The following MAPK10 variants were observed in gnomAD, a reference collection of about 807,000 sequenced individuals.
MAPK10 encodes mitogen-activated protein kinase 10.
MAPK10 carries 25 observed loss-of-function variants against 59.3 expected under a neutral mutation model. That is an observed-to-expected ratio of 0.42 (90% CI 0.31 to 0.59). The LOEUF (loss-of-function observed/expected upper bound fraction) is 0.59, where lower values mean the gene tolerates loss of function less well. Ranked by LOEUF, MAPK10 falls within the 20% of genes least tolerant of loss-of-function variation. The pLI, the probability that MAPK10 is intolerant of heterozygous loss-of-function variation, is 0.15. For synonymous variants in MAPK10, 190 were observed against 200.5 expected, an observed-to-expected ratio of 0.95 and a Z score of 0.44; for missense variants, 351 against 568.9, an observed-to-expected ratio of 0.62 and a Z score of 3.90.
chr4:86,247,177 G>A (rs1043212403), intron 2 of MAPK10, among the ~76,000 whole-genome samples: 3 of 152,174 alleles, frequency 2.0e-5, no homozygotes, highest in Non-Finnish European at 4.4e-5. Flanking sequence ...AGCCTCTATT[G>A]TACTATACCC....
chr4:86,194,864 AATAG>A (rs2080914506), intron 2 of MAPK10, among the ~76,000 whole-genome samples: 1 of 152,012 alleles, frequency 6.6e-6, no homozygotes, highest in African/African-American at 2.4e-5. Context: ...CTGTATCAGT[AATAG>A]ATAAATTTTT....
chr4:86,099,032 G>C (rs2054792085), intron 8 of MAPK10: 1 of 154,210 alleles, frequency 6.5e-6, no homozygotes, highest in Non-Finnish European at 1.4e-5. Flanking sequence ...AGAGAATAGG[G>C]CAACAAGAGA....
intron 2 of MAPK10, among the ~76,000 whole-genome samples, chr4:86,344,488 C>T (rs1726928627): frequency 6.6e-6 from 1 of 152,088 alleles, no homozygotes; most frequent in Admixed American, 6.6e-5. Context: ...CTCTCCCCAC[C>T]TCCAAAGCCC....
At chr4:86,541,358 T>C (rs1433491795) in intron 1 of MAPK10, among the ~76,000 whole-genome samples, 1 of 152,066 alleles carries the variant, frequency 6.6e-6, no homozygotes, top group Non-Finnish European at 1.5e-5. Context: ...GCAAAATCCA[T>C]GTAAACAAGA....
intron 1 of MAPK10, among the ~76,000 whole-genome samples, chr4:86,521,672 A>G (rs1225642046): frequency 2.0e-5 from 3 of 152,014 alleles, no homozygotes; most frequent in Non-Finnish European, 4.4e-5. Context: ...CTGAGTTTAT[A>G]TATAGGCAGC....
In MAPK10 at chr4:86,101,207, G is replaced by A; in HGVS notation, c.575C>T (p.Pro192Leu). Residue 192 changes from proline to leucine, a missense_variant, in exon 8 of 14, where the codon CCA (proline) becomes CTA (leucine). Pro to Leu is a moderately conservative substitution (Grantham distance 98). Transcript: ENST00000641462. Reference sequence around the variant, plus strand: ...ATCAGACTTGACTACAATGTTACTTGGTTTTAAATCCTAACAGTAAGGATA... The same window carrying A: ...ATCAGACTTGACTACAATGTTACTTAGTTTTAAATCCTAACAGTAAGGATA... The part of the protein sequence containing the change: ...SAGIIHRDLK[P>L]SNIVVKSDCT... The A allele has an allele frequency of 6.2e-7, 1 of 1,613,348 alleles. No individual in the cohort carries two copies. The highest frequency in any genetic ancestry group is 8.5e-7 in the Non-Finnish European group (1 of 1,179,606).
At chr4:86,195,988 T>C (rs929528651) in intron 2 of MAPK10, among the ~76,000 whole-genome samples, 5 of 152,246 alleles carry the variant, frequency 3.3e-5, no homozygotes, top group Admixed American at 3.3e-4. Context: ...TTTGGGTTGG[T>C]TGCAAGTCTT....
intron 1 of MAPK10, among the ~76,000 whole-genome samples, chr4:86,421,040 C>T (rs992371609): frequency 7.2e-5 from 11 of 152,000 alleles, no homozygotes; most frequent in African/African-American, 2.7e-4. Context: ...CGAGAGCATG[C>T]CACTGCACTC....
intron 2 of MAPK10, among the ~76,000 whole-genome samples, chr4:86,275,552 T>C (rs1299987959): frequency 5.9e-5 from 9 of 152,022 alleles, no homozygotes; most frequent in African/African-American, 2.2e-4. Flanking sequence ...TAGTGTTACA[T>C]CTGCCCCAGC....
intron 1 of MAPK10, among the ~76,000 whole-genome samples, chr4:86,505,848 T>A (rs965782615): frequency 1.3e-5 from 2 of 152,116 alleles, no homozygotes; most frequent in African/African-American, 4.8e-5. Flanking sequence ...AGCCTACTTA[T>A]TGCGTCAATA....
At chr4:86,358,952 T>C (rs1473259146) in intron 1 of MAPK10, 1 of 152,076 alleles carries the variant, frequency 6.6e-6, no homozygotes. Context: ...CCTTACCTAT[T>C]TGACTGCAGT....
At chr4:86,504,465 T>C (rs1466143161) in intron 1 of MAPK10, among the ~76,000 whole-genome samples, 1 of 152,184 alleles carries the variant, frequency 6.6e-6, no homozygotes, top group Non-Finnish European at 1.5e-5. Flanking sequence ...TATTAATTTA[T>C]AGTAATCTTA....
chr4:86,209,567 G>A (rs1009233582), intron 2 of MAPK10, among the ~76,000 whole-genome samples: 7 of 151,994 alleles, frequency 4.6e-5, no homozygotes, highest in Non-Finnish European at 7.4e-5. Flanking sequence ...GATTTCCATA[G>A]TTATCATATT....
chr4:86,106,091 C>T (rs1187292625), intron 5 of MAPK10, among the ~76,000 whole-genome samples: 1 of 152,088 alleles, frequency 6.6e-6, no homozygotes, highest in African/African-American at 2.4e-5. Context: ...ATTCATTCAA[C>T]ACATACATGT....
intron 1 of MAPK10, among the ~76,000 whole-genome samples, chr4:86,586,997 C>T (rs2149115297): frequency 6.6e-6 from 1 of 152,228 alleles, no homozygotes; most frequent in South Asian, 2.1e-4. Context: ...CTAAAATATC[C>T]AGCAATTCCA....
chr4:86,140,512 A>G (rs1264938479), intron 4 of MAPK10, among the ~76,000 whole-genome samples: 1 of 124,014 alleles, frequency 8.1e-6, no homozygotes, highest in Non-Finnish European at 1.6e-5. Flanking sequence ...GAAGGGGAAC[A>G]TCACACTCTG....
chr4:86,517,140 A>G (rs1756731606), intron 1 of MAPK10, among the ~76,000 whole-genome samples: 1 of 152,068 alleles, frequency 6.6e-6, no homozygotes, highest in African/African-American at 2.4e-5. Context: ...GGATTTTGTC[A>G]AATGCTTTTT....
chr4:86,363,511 AATGTT>A (rs1737326421), upstream of MAPK10, among the ~76,000 whole-genome samples: 1 of 152,192 alleles, frequency 6.6e-6, no homozygotes, highest in African/African-American at 2.4e-5. Flanking sequence ...TATTTTTATT[AATGTT>A]ATTTTTATTG....
chr4:86,350,853 A>C (rs1404367256), intron 2 of MAPK10, among the ~76,000 whole-genome samples: 1 of 152,212 alleles, frequency 6.6e-6, no homozygotes, highest in Non-Finnish European at 1.5e-5. Flanking sequence ...GAGGACCTAA[A>C]TTATGGCAGT....
Sources: gnomAD v4.1 joint callset for allele counts (sites outside exome capture counted in the v4.1 genomes callset) on GRCh38, gnomAD v4.1.1 for gene constraint, MANE v1.5 for transcripts, NCBI Gene and HGNC (gene_info 2026-07-23, HGNC 2026-07-21) for gene names.